Variants in CNTNAP2 observed in about 807,000 individuals in gnomAD.
The protein encoded by CNTNAP2 is contactin-associated protein-like 2.
A neutral mutation model predicts 155.2 loss-of-function variants in CNTNAP2; 98 were observed. That is an observed-to-expected ratio of 0.63 (90% CI 0.54 to 0.75). CNTNAP2 has a LOEUF of 0.75. Among genes scored for constraint, CNTNAP2 ranks in the 30% least tolerant of loss-of-function variants. The pLI is 0.00. For synonymous variants in CNTNAP2, 651 were observed against 631.2 expected (o/e 1.03, Z -0.47); for missense variants, 1,727 against 1,688.1 (o/e 1.02, Z -0.40).
At chr7:148,107,814 A>G (rs1046824776) in intron 15 of CNTNAP2, among the ~76,000 whole-genome samples, 5 of 152,200 alleles carry the variant, frequency 3.3e-5, no homozygotes, top group Admixed American at 2.0e-4. Flanking sequence ...TAGTCTCTTC[A>G]GAGCTGCTAT....
chr7:147,805,785 G>A (rs929504186), intron 13 of CNTNAP2, among the ~76,000 whole-genome samples: 3 of 152,050 alleles, frequency 2.0e-5, no homozygotes, highest in East Asian at 1.9e-4. Context: ...CCACTTGATC[G>A]GGATGACTGA....
At chr7:147,476,630 A>C (rs905063416) in intron 10 of CNTNAP2, among the ~76,000 whole-genome samples, 7 of 151,744 alleles carry the variant, frequency 4.6e-5, no homozygotes, top group African/African-American at 7.3e-5. Context: ...TGTGTAATCA[A>C]AGATACACCA....
At chr7:147,129,476 C>T (rs1801306253) in intron 7 of CNTNAP2, among the ~76,000 whole-genome samples, 1 of 152,140 alleles carries the variant, frequency 6.6e-6, no homozygotes, top group African/African-American at 2.4e-5. Flanking sequence ...AAAGCCCCAG[C>T]ACACATGCTT....
At position 147,230,640 on chromosome 7, in the gene CNTNAP2, A is replaced by G. The variant is rs148670978; in HGVS notation, c.1349-69501A>G. 1.2e-3 allele frequency among the ~76,000 whole-genome samples: 187 copies of G among 152,326 alleles called. 2 individuals carry two copies. The highest frequency in any genetic ancestry group is 4.3e-3 in the African/African-American group (178 of 41,558). ...ATAATTATCACAATCAAAGTAATTA[A>G]TGCATCTATCCTGCATTAATTAATC... On this transcript the variant is annotated intron_variant, in intron 8 of 23. Coordinates refer to ENST00000361727, the MANE Select transcript of CNTNAP2 (RefSeq NM_014141.6).
intron 3 of CNTNAP2, among the ~76,000 whole-genome samples, chr7:146,872,162 ATTTT>A (rs144291754): frequency 2.4e-3 from 263 of 111,506 alleles, no homozygotes; most frequent in African/African-American, 7.9e-3. Context: ...AAATTATTGA[ATTTT>A]TTTTTTTTTT....
intron 1 of CNTNAP2, among the ~76,000 whole-genome samples, chr7:146,662,982 A>C (rs1033438870): frequency 6.6e-6 from 1 of 152,172 alleles, no homozygotes; most frequent in Admixed American, 6.5e-5. Flanking sequence ...CATTAGAATA[A>C]CTACAGAAAT....
chr7:147,415,637 T>C (rs1797180411), intron 10 of CNTNAP2, among the ~76,000 whole-genome samples: 1 of 152,172 alleles, frequency 6.6e-6, no homozygotes. Context: ...CTTTATAAAT[T>C]ACCCAGTCTC....
At chr7:147,742,737 G>C (rs1219364920) in intron 13 of CNTNAP2, among the ~76,000 whole-genome samples, 1 of 152,116 alleles carries the variant, frequency 6.6e-6, no homozygotes, top group African/African-American at 2.4e-5. Flanking sequence ...TCTTAAACTA[G>C]TCCTTGGCTA....
At chr7:147,572,520 T>C (rs940721789) in intron 12 of CNTNAP2, among the ~76,000 whole-genome samples, 2 of 152,184 alleles carry the variant, frequency 1.3e-5, no homozygotes, top group Non-Finnish European at 2.9e-5. Context: ...CAATATCTTA[T>C]AGACACTGCT....
At chr7:146,970,497 A>C (rs1797763480) in intron 3 of CNTNAP2, among the ~76,000 whole-genome samples, 1 of 152,256 alleles carries the variant, frequency 6.6e-6, no homozygotes, top group Admixed American at 6.5e-5. Flanking sequence ...AATGCAAATC[A>C]AAACCACAGT....
At chr7:147,102,534 G>A (rs374470801) in intron 4 of CNTNAP2, among the ~76,000 whole-genome samples, 12 of 152,084 alleles carry the variant, frequency 7.9e-5, no homozygotes, top group African/African-American at 2.9e-4. Flanking sequence ...AGCACTGAAG[G>A]GGAAAGCAAC....
chr7:147,640,682 C>T (rs1046616848), intron 13 of CNTNAP2, among the ~76,000 whole-genome samples: 27 of 152,120 alleles, frequency 1.8e-4, no homozygotes, highest in African/African-American at 6.0e-4. Context: ...CTGGATAAAA[C>T]GACATGGACA....
At chr7:147,304,945 GTA>G (rs1330628358) in intron 9 of CNTNAP2, among the ~76,000 whole-genome samples, 1 of 152,108 alleles carries the variant, frequency 6.6e-6, no homozygotes, top group Non-Finnish European at 1.5e-5. Context: ...TTTTGTTATT[GTA>G]TGTTCTCATC....
chr7:147,431,454 T>C (rs1283135748), intron 10 of CNTNAP2, among the ~76,000 whole-genome samples: 1 of 152,126 alleles, frequency 6.6e-6, no homozygotes, highest in Non-Finnish European at 1.5e-5. Context: ...CATACTTGAG[T>C]CTGTCCCATA....
intron 13 of CNTNAP2, among the ~76,000 whole-genome samples, chr7:147,757,628 C>A (rs141066724): frequency 6.6e-6 from 1 of 151,742 alleles, no homozygotes. Context: ...TTTTTTTTAA[C>A]GTAAGCAAAT....
At chr7:146,367,974 A>C (rs1397266272) in intron 1 of CNTNAP2, among the ~76,000 whole-genome samples, 2 of 152,046 alleles carry the variant, frequency 1.3e-5, no homozygotes, top group Non-Finnish European at 2.9e-5. Flanking sequence ...CTTTTCTCTC[A>C]TGGAAGTAAG....
chr7:147,132,444 A>G lies in CNTNAP2; in HGVS notation c.1283A>G (p.Glu428Gly). 6.2e-7 allele frequency: 1 copy of G among 1,613,662 alleles called. No homozygotes were observed. Among genetic ancestry groups the G allele is most frequent in the South Asian group, 1.1e-5 (1 of 91,076 alleles). The change falls in exon 8 of 24, where the codon GAA (glutamate) becomes GGA (glycine). Residue 428 changes from glutamate (E) to glycine (G), a missense_variant. Transcript: ENST00000361727. ...GGCAATGTGGAGATTGACCTCACTG[A>G]AAGCAAAGTGGGTGTTCACATCAAC... ...NLGNVEIDLT[E>G]SKVGVHINIT...
intron 1 of CNTNAP2, among the ~76,000 whole-genome samples, chr7:146,626,563 A>G (rs1412774477): frequency 6.6e-6 from 1 of 152,156 alleles, no homozygotes. Flanking sequence ...ACTGGTAGTG[A>G]GCATATGATT....
intron 8 of CNTNAP2, among the ~76,000 whole-genome samples, chr7:147,277,720 GTTA>G (rs1804930134): frequency 6.6e-6 from 1 of 151,164 alleles, no homozygotes; most frequent in South Asian, 2.1e-4. Context: ...CAAGAAATCT[GTTA>G]TTATGCCATT....
Sources: allele counts gnomAD v4.1 joint callset (sites outside exome capture counted in the v4.1 genomes callset), GRCh38; gene constraint gnomAD v4.1.1; transcripts MANE v1.5; gene names NCBI Gene and HGNC (gene_info 2026-07-23, HGNC 2026-07-21).